Variants in COL21A1 observed in about 807,000 individuals in gnomAD.
COL21A1 encodes collagen alpha-1(XXI) chain.
COL21A1 carries 149 observed loss-of-function variants against 137.9 expected under a neutral mutation model. That is an observed-to-expected ratio of 1.08 (90% CI 0.95 to 1.24). The LOEUF is 1.24. COL21A1 is among the 50% of genes most tolerant of loss of function. COL21A1 has a pLI of 0.00. For synonymous variants in COL21A1, 456 were observed against 391.5 expected, an observed-to-expected ratio of 1.16 and a Z score of -1.95; for missense variants, 1,167 against 1,158.4, an observed-to-expected ratio of 1.01 and a Z score of -0.11.
chr6:56,324,519 C>T (rs1651691760), intron 1 of COL21A1, among the ~76,000 whole-genome samples: 1 of 151,944 alleles, frequency 6.6e-6, no homozygotes, highest in Non-Finnish European at 1.5e-5. Flanking sequence ...CTCTGACCCT[C>T]TCATGGAGGC....
At chr6:56,267,526 G>A (rs1418008214) in intron 1 of COL21A1, among the ~76,000 whole-genome samples, 4 of 152,084 alleles carry the variant, frequency 2.6e-5, no homozygotes, top group East Asian at 1.9e-4. Flanking sequence ...GGAGGCAGAG[G>A]TGGGCAGATC....
At chr6:56,205,670 G>A (rs6935152) in intron 1 of COL21A1, among the ~76,000 whole-genome samples, 99,440 of 151,936 alleles carry the variant, frequency 0.65, 32,980 homozygotes, top group East Asian at 0.86. Context: ...AGAAACCCCA[G>A]GACACATAAT....
At chr6:56,223,476 C>T (rs893311667) in intron 1 of COL21A1, among the ~76,000 whole-genome samples, 3 of 151,948 alleles carry the variant, frequency 2.0e-5, no homozygotes, top group Non-Finnish European at 4.4e-5. Flanking sequence ...TATTAAATTC[C>T]TCTAAAAATT....
chr6:56,218,752 C>T (rs1044576404), intron 1 of COL21A1, among the ~76,000 whole-genome samples: 2 of 152,058 alleles, frequency 1.3e-5, no homozygotes, highest in Non-Finnish European at 2.9e-5. Flanking sequence ...ACTTGCAACA[C>T]CAACAACGCA....
At position 56,071,080 on chromosome 6, in the gene COL21A1, A is replaced by G. The variant is rs146553405; in HGVS notation, c.1966-282T>C. Among the ~76,000 whole-genome samples, 224 of 151,566 alleles carry G rather than the reference A, an allele frequency of 1.5e-3. 1 individual carries two copies. The highest frequency in any genetic ancestry group is 5.3e-3 in the African/African-American group (221 of 41,456). ...GTCAAATCTTTAGTGGCCAGCACTA[A>G]TAAGTCCAGCCACCACATTGCACAG... On this transcript the variant is annotated intron_variant, in intron 20 of 29. Coordinates refer to ENST00000244728, the MANE Select transcript of COL21A1 (RefSeq NM_030820.4).
chr6:56,190,969 C>T (rs1311994971), intron 1 of COL21A1, among the ~76,000 whole-genome samples: 2 of 152,118 alleles, frequency 1.3e-5, no homozygotes, highest in Non-Finnish European at 2.9e-5. Context: ...AATAGTAAAG[C>T]TATTTATGAC....
At chr6:56,094,512 A>T (rs1769148303) in intron 17 of COL21A1, among the ~76,000 whole-genome samples, 1 of 152,238 alleles carries the variant, frequency 6.6e-6, no homozygotes, top group African/African-American at 2.4e-5. Context: ...GGCAATATAG[A>T]CTACTTCTAC....
At chr6:56,065,729 A>G (rs1766183235) in intron 23 of COL21A1, among the ~76,000 whole-genome samples, 1 of 151,950 alleles carries the variant, frequency 6.6e-6, no homozygotes, top group Non-Finnish European at 1.5e-5. Context: ...GAATGGGTGG[A>G]GTGGCAAGAG....
At chr6:56,352,216 T>C (rs1765725420) in intron 1 of COL21A1, among the ~76,000 whole-genome samples, 1 of 152,156 alleles carries the variant, frequency 6.6e-6, no homozygotes, top group Admixed American at 6.5e-5. Context: ...TATGAATTAT[T>C]TTTCCTTTTT....
intron 1 of COL21A1, among the ~76,000 whole-genome samples, chr6:56,381,626 A>G (rs1174969714): frequency 2.0e-5 from 3 of 152,250 alleles, no homozygotes; most frequent in Non-Finnish European, 4.4e-5. Flanking sequence ...TGGGTGTCAC[A>G]TTAAATTTCA....
chr6:56,314,543 C>T (rs1028254792), intron 1 of COL21A1, among the ~76,000 whole-genome samples: 2 of 152,118 alleles, frequency 1.3e-5, no homozygotes, highest in African/African-American at 2.4e-5. Context: ...ACACCTCGGC[C>T]AAGATATTTA....
Position 56,170,978 on chromosome 6 carries a change from T to C in COL21A1, c.791A>G (p.Asp264Gly), listed in dbSNP as rs1321775400. The C allele has an allele frequency of 6.2e-7, 1 of 1,602,782 alleles. No homozygotes were observed. Among genetic ancestry groups the C allele is most frequent in the Non-Finnish European group, 8.5e-7 (1 of 1,175,664 alleles). Reference sequence around the variant, plus strand: ...TGCATACCTTGTGAGTTCTGATAAATCAACTTTTGATGTTACTTCATATCC... The same window carrying C: ...TGCATACCTTGTGAGTTCTGATAAACCAACTTTTGATGTTACTTCATATCC... ...IKGYEVTSKVDLSELTSNVFP... is the reference protein window; with the variant it reads ...IKGYEVTSKVGLSELTSNVFP... Residue 264 changes from aspartate to glycine, a missense_variant, in exon 4 of 30, where the codon GAT (aspartate) becomes GGT (glycine). Transcript: ENST00000244728.
At chr6:56,336,965 C>T (rs991049401) in intron 1 of COL21A1, among the ~76,000 whole-genome samples, 3 of 152,212 alleles carry the variant, frequency 2.0e-5, no homozygotes, top group Non-Finnish European at 4.4e-5. Context: ...ACTCTCTATG[C>T]CTTTTTTCAC....
intron 1 of COL21A1, among the ~76,000 whole-genome samples, chr6:56,280,041 C>T (rs1182121986): frequency 6.6e-6 from 1 of 152,172 alleles, no homozygotes; most frequent in African/African-American, 2.4e-5. Context: ...AAGCTACCAT[C>T]TTTCACTACA....
chr6:56,228,067 G>T (rs927378785), intron 1 of COL21A1, among the ~76,000 whole-genome samples: 1 of 151,998 alleles, frequency 6.6e-6, no homozygotes, highest in South Asian at 2.1e-4. Flanking sequence ...TGGGAAAGGG[G>T]TGAGGGGTGA....
chr6:56,317,912 G>C (rs1321797835), intron 1 of COL21A1, among the ~76,000 whole-genome samples: 1 of 151,942 alleles, frequency 6.6e-6, no homozygotes, highest in Non-Finnish European at 1.5e-5. Flanking sequence ...CAATTTTTAA[G>C]CGTGTTTTTA....
At chr6:56,212,846 A>G (rs1484170629) in intron 1 of COL21A1, among the ~76,000 whole-genome samples, 1 of 152,070 alleles carries the variant, frequency 6.6e-6, no homozygotes, top group Non-Finnish European at 1.5e-5. Flanking sequence ...GAAAAAATGA[A>G]TGATATATAC....
chr6:56,309,609 G>C (rs879583685), intron 1 of COL21A1, among the ~76,000 whole-genome samples: 5 of 152,188 alleles, frequency 3.3e-5, no homozygotes, highest in Non-Finnish European at 7.3e-5. Context: ...CAGTGACTAT[G>C]AGCCAGGTAG....
chr6:56,246,382 AAAGC>A (rs1782644189), intron 1 of COL21A1, among the ~76,000 whole-genome samples: 1 of 152,180 alleles, frequency 6.6e-6, no homozygotes, highest in South Asian at 2.1e-4. Context: ...ATTCTCTCCT[AAAGC>A]AAGTATACAA....
Sources: gnomAD v4.1 joint callset for allele counts (sites outside exome capture counted in the v4.1 genomes callset) on GRCh38, gnomAD v4.1.1 for gene constraint, MANE v1.5 for transcripts, NCBI Gene and HGNC (gene_info 2026-07-23, HGNC 2026-07-21) for gene names.